The following EPHA8 variants were observed in gnomAD, a reference collection of about 807,000 sequenced individuals.
EPHA8 encodes the protein EPH receptor A8.
EPHA8 carries 58 observed loss-of-function variants against 103.6 expected under a neutral mutation model. The observed-to-expected ratio is 0.56, with a 90% confidence interval of 0.45 to 0.70. EPHA8 has a LOEUF of 0.70. Among genes scored for constraint, EPHA8 ranks in the 30% least tolerant of loss-of-function variants. EPHA8 has a pLI of 0.00. For missense variants in EPHA8, 1,304 were observed against 1,395.2 expected (o/e 0.93, Z 1.04); for synonymous variants, 559 against 572.5 (o/e 0.98, Z 0.34).
chr1:22,564,279 C>A (rs1446331262), intron 1 of EPHA8, among the ~76,000 whole-genome samples: 1 of 145,182 alleles, frequency 6.9e-6, no homozygotes, highest in Non-Finnish European at 1.5e-5. Context: ...TGAGGGGAGG[C>A]AGGAAGGAGG....
intron 8 of EPHA8, among the ~76,000 whole-genome samples, 158 bp from the exon 9 acceptor site, chr1:22,595,948 G>A (rs1211189338): frequency 6.6e-6 from 1 of 152,230 alleles, no homozygotes; most frequent in African/African-American, 2.4e-5. Flanking sequence ...TGAGAGCCTG[G>A]AGTCAGGGAC....
rs1009552286 is a variant in EPHA8 at position 22,566,928 on chromosome 1, G to A, written c.95-2361G>A. On this transcript the variant is annotated intron_variant, in intron 1 of 16. Transcript: ENST00000166244. ...GGAGGGACATAGAAGGGTCTGGAATGAATTGGAACAAACAGCCCTGGAATC... is the reference window on the plus strand; with the variant it reads ...GGAGGGACATAGAAGGGTCTGGAATAAATTGGAACAAACAGCCCTGGAATC... Among the ~76,000 whole-genome samples the A allele has an allele frequency of 7.2e-5, 11 of 152,116 alleles. 1 individual carries two copies. Among genetic ancestry groups the A allele is most frequent in the African/African-American group, 2.7e-4 (11 of 41,432 alleles).
chr1:22,569,441 G>A lies in EPHA8; in HGVS notation c.159+88G>A. The A allele has an allele frequency of 7.1e-7, 1 of 1,401,170 alleles. No homozygotes were observed. Among genetic ancestry groups the A allele is most frequent in the Non-Finnish European group, 9.7e-7 (1 of 1,034,608 alleles). 86.8% of individuals were successfully genotyped at this position (1,401,170 alleles called of 1,614,324 possible). A position where few individuals can be genotyped will look rare whatever the true frequency, so the allele number is the denominator to read the frequency against. ...AGAGTCTGCATGAGATAGATCAAAA[G>A]GAAGCAGAGGCCCAGAGAGGTCAAG... On this transcript the variant is annotated intron_variant, in intron 2 of 16. Transcript: ENST00000166244. This position sits in a 1 kb window ranked among gnomAD's most constrained non-coding sequence, Gnocchi z 4.5.
intron 3 of EPHA8, 98 bp from the exon 4 acceptor site, chr1:22,586,382 G>A (rs903405238): frequency 4.1e-6 from 6 of 1,451,982 alleles, no homozygotes; most frequent in Admixed American, 1.9e-5. Flanking sequence ...ATCCCTCTGG[G>A]GCACCCCCCA....
chr1:22,579,985 A>G (rs749531519), intron 3 of EPHA8, among the ~76,000 whole-genome samples: 1 of 152,082 alleles, frequency 6.6e-6, no homozygotes, highest in African/African-American at 2.4e-5. Flanking sequence ...TGACAGCCTC[A>G]GGTGATAACA....
intron 5 of EPHA8, among the ~76,000 whole-genome samples, chr1:22,591,045 T>C (rs1641358718): frequency 6.6e-6 from 1 of 151,548 alleles, no homozygotes; most frequent in Non-Finnish European, 1.5e-5. Flanking sequence ...AGACCCCTCT[T>C]GCCTCACCCC....
intron 2 of EPHA8, among the ~76,000 whole-genome samples, chr1:22,572,025 C>CA (rs1640556472): frequency 6.6e-6 from 1 of 152,040 alleles, no homozygotes; most frequent in African/African-American, 2.4e-5. Flanking sequence ...GATCTTGTCT[C>CA]AAAAAATAAA....
chr1:22,584,329 C>G (rs1398606436), intron 3 of EPHA8, among the ~76,000 whole-genome samples: 1 of 152,168 alleles, frequency 6.6e-6, no homozygotes, highest in African/African-American at 2.4e-5. Context: ...CCAGGCAGAC[C>G]AGAGCCCTCT....
At position 22,589,800 on chromosome 1, in the gene EPHA8, G is replaced by A. The variant is rs149138049; in HGVS notation, c.1315+594G>A. ...AGGACCCTGCCCGTCAAGTGACAGC[G>A]TGACCCAAGAGCCCTCCTAGGGCAG... On this transcript the variant is annotated intron_variant, in intron 5 of 16. Coordinates refer to ENST00000166244, the MANE Select transcript of EPHA8 (RefSeq NM_020526.5). This position sits in a 1 kb window ranked among gnomAD's most constrained non-coding sequence, Gnocchi z 4.3. Among the ~76,000 whole-genome samples, 614 of 152,114 alleles carry A rather than the reference G, an allele frequency of 4.0e-3. 5 individuals carry two copies. The highest frequency in any genetic ancestry group is 0.014 in the African/African-American group (577 of 41,480).
At position 22,602,952 on chromosome 1, in the gene EPHA8, C is replaced by T. The variant is rs751406741; in HGVS notation, c.*1211C>T. The T allele has an allele frequency of 6.6e-6, 1 of 152,604 alleles. No individual in the cohort carries two copies. Among genetic ancestry groups the T allele is most frequent in the African/African-American group, 2.4e-5 (1 of 41,438 alleles). 9.5% of individuals were successfully genotyped at this position (152,604 alleles called of 1,614,324 possible). On this transcript the variant is annotated 3_prime_UTR_variant, in exon 17 of 17. Transcript: ENST00000166244. ...CTCCCCTCTCACACTGACCTCCCCC[C>T]TTACGGCCCACCAGGGTATGTAAAT...
chr1:22,601,180 G>A lies in EPHA8; in HGVS notation c.2729+92G>A, dbSNP rs1641716198. 6 of 1,531,126 alleles carry A rather than the reference G, an allele frequency of 3.9e-6. No homozygotes were observed. In the East Asian group the frequency reaches 1.4e-4, roughly 35 times the overall value. The allele number at this position is 1,531,126 out of a possible 1,614,324, so 94.8% of individuals were successfully genotyped here. On this transcript the variant is annotated intron_variant, in intron 15 of 16. Transcript: ENST00000166244. ...TGGGACAGTTTGGCCCTGACACTAG[G>A]ACCAGGCCCAGCCTGGGCCCCCGGC...
chr1:22,569,598 G>A lies in EPHA8; in HGVS notation c.159+245G>A, dbSNP rs933534778. ...TCTTCAAGTCTGAGGCCCTAGGTCCGGGGATCCCCATGGCTGCATCCTACA... is the reference window on the plus strand; with the variant it reads ...TCTTCAAGTCTGAGGCCCTAGGTCCAGGGATCCCCATGGCTGCATCCTACA... On this transcript the variant is annotated intron_variant, in intron 2 of 16. Transcript: ENST00000166244. The surrounding 1 kb of genome is among the most constrained non-coding windows in gnomAD (Gnocchi z 4.5). 3.3e-5 allele frequency among the ~76,000 whole-genome samples: 5 copies of A among 152,114 alleles called. No homozygotes were observed. The highest frequency in any genetic ancestry group is 4.8e-5 in the African/African-American group (2 of 41,416).
At chr1:22,573,224 C>T (rs60011879) in intron 2 of EPHA8, among the ~76,000 whole-genome samples, 24,408 of 152,122 alleles carry the variant, frequency 0.16, 2,068 homozygotes, top group Admixed American at 0.24. Context: ...GAAATCCTCC[C>T]GCATGGTCCC....
chr1:22,565,226 T>C (rs1346294678), intron 1 of EPHA8, among the ~76,000 whole-genome samples: 9 of 152,322 alleles, frequency 5.9e-5, no homozygotes, highest in African/African-American at 1.9e-4. Flanking sequence ...CGGAAATGCA[T>C]GTGCACCAAC....
At chr1:22,588,844 G>A in intron 4 of EPHA8, 27 bp from the exon 5 acceptor site, 1 of 1,551,894 alleles carries the variant, frequency 6.4e-7, no homozygotes, top group East Asian at 2.3e-5. Context: ...AATAACCACT[G>A]CCCCATCTGT....
At position 22,601,514 on chromosome 1, in the gene EPHA8, C is replaced by A. The variant is rs771741839; in HGVS notation, c.2903+41C>A. On this transcript the variant is annotated intron_variant, in intron 16 of 16. Transcript: ENST00000166244. ...GGCTGGGGCCCCATGCGTGTGGGGG[C>A]AGGGGGGGGGACCCCTGCCGGGGAG... 112 of 1,598,002 alleles carry A rather than the reference C, an allele frequency of 7.0e-5. 1 individual carries two copies. In the African/African-American group the frequency reaches 1.4e-3, roughly 20 times the overall value.
chr1:22,574,950 A>C (rs1640642418), intron 2 of EPHA8, among the ~76,000 whole-genome samples: 1 of 152,034 alleles, frequency 6.6e-6, no homozygotes, highest in Admixed American at 6.6e-5. Flanking sequence ...GCCAACACTT[A>C]TTATTATCAT....
intron 3 of EPHA8, among the ~76,000 whole-genome samples, chr1:22,580,893 A>G (rs74611858): frequency 0.089 from 13,587 of 152,262 alleles, 655 homozygotes; most frequent in South Asian, 0.18. Context: ...AGCCTGCCCC[A>G]GGCTGCTTTG....
At position 22,576,403 on chromosome 1, in the gene EPHA8, G is replaced by A. The variant is rs1640697178; in HGVS notation, c.346G>A (p.Gly116Ser). The A allele has an allele frequency of 6.2e-7, 1 of 1,613,864 alleles. No individual in the cohort carries two copies. The highest frequency in any genetic ancestry group is 8.5e-7 in the Non-Finnish European group (1 of 1,180,024). The change falls in exon 3 of 17, where the codon GGC becomes AGC. Residue 116 changes from glycine to serine, a missense_variant. Coordinates refer to ENST00000166244, the MANE Select transcript of EPHA8 (RefSeq NM_020526.5). The surrounding 1 kb of genome is among the most constrained non-coding windows in gnomAD (Gnocchi z 4.8). ...RDCNSMPGVL[G>S]TCKETFNLYY... ...CTGCAACAGCATGCCTGGTGTGCTGGGCACCTGCAAGGAGACCTTCAACCT... is the reference window on the plus strand; with the variant it reads ...CTGCAACAGCATGCCTGGTGTGCTGAGCACCTGCAAGGAGACCTTCAACCT...
Sources: gnomAD v4.1 joint callset for allele counts (sites outside exome capture counted in the v4.1 genomes callset) on GRCh38, gnomAD v4.1.1 for gene constraint, Gnocchi (gnomAD v3.1) non-coding constraint, MANE v1.5 for transcripts, NCBI Gene and HGNC (gene_info 2026-07-23, HGNC 2026-07-21) for gene names.